Variants in RBM28 observed in about 807,000 individuals in gnomAD.
The protein encoded by RBM28 is RNA binding motif protein 28.
RBM28 carries 78 observed loss-of-function variants against 98.3 expected under a neutral mutation model. That is an observed-to-expected ratio of 0.79 (90% CI 0.66 to 0.96). The LOEUF is 0.96. Ranked by LOEUF, RBM28 falls within the 40% of genes least tolerant of loss-of-function variation. The pLI is 0.00. For synonymous variants in RBM28, 306 were observed against 330.9 expected (o/e 0.92, Z 0.82); for missense variants, 838 against 913.0 (o/e 0.92, Z 1.06).
In RBM28 at chr7:128,343,869, G is replaced by A; in HGVS notation, c.-76C>T. ...CACGCGAGCCGAAACGCTGGCTTTG[G>A]TAGGACAACCAAGCTCACACGCCGA... On this transcript the variant is annotated 5_prime_UTR_variant, in exon 1 of 19. Coordinates refer to ENST00000223073, the MANE Select transcript of RBM28 (RefSeq NM_018077.3). 9.5e-7 allele frequency: 1 copy of A among 1,049,810 alleles called. No homozygotes were observed. The allele number at this position is 1,049,810 out of a possible 1,614,324, so 65.0% of individuals were successfully genotyped here.
At chr7:128,332,646 C>G (rs968458106) in intron 9 of RBM28, among the ~76,000 whole-genome samples, 3 of 152,032 alleles carry the variant, frequency 2.0e-5, no homozygotes, top group Non-Finnish European at 4.4e-5. Context: ...GCCACCGCAC[C>G]CAAGAAAATA....
chr7:128,313,526 C>T (rs1796034606), intron 17 of RBM28, among the ~76,000 whole-genome samples: 1 of 152,172 alleles, frequency 6.6e-6, no homozygotes, highest in African/African-American at 2.4e-5. Flanking sequence ...CCCAGCTACT[C>T]AGGAGGCTGA....
intron 8 of RBM28, among the ~76,000 whole-genome samples, chr7:128,334,103 A>G (rs529072345): frequency 6.6e-6 from 1 of 152,360 alleles, no homozygotes; most frequent in East Asian, 1.9e-4. Flanking sequence ...AGAAACAAAT[A>G]ACCTTGGTTG....
Position 128,314,782 on chromosome 7 carries a change from T to C in RBM28, c.2027A>G (p.His676Arg). 1 of 1,614,212 alleles carries C rather than the reference T, an allele frequency of 6.2e-7. No homozygotes were observed. The change falls in exon 17 of 19, where the codon CAC (histidine) becomes CGC (arginine). Residue 676 changes from histidine to arginine, a missense_variant. Transcript: ENST00000223073. ...ATCTCACCTGATTTTGGGGCCTCGG[T>C]GTGAGGGGAGCGCCAGGACCTTTCT... ...KRRKVLALPS[H>R]RGPKIRLRDK...
chr7:128,311,060 TAGAG>T (rs1240239817), intron 18 of RBM28, 129 bp from the exon 19 acceptor site: 1 of 915,272 alleles, frequency 1.1e-6, no homozygotes, highest in East Asian at 2.6e-5. Context: ...GGTAGGTTTC[TAGAG>T]AGAGACTCTT....
chr7:128,329,048 TC>T (rs1228585364), intron 10 of RBM28, among the ~76,000 whole-genome samples: 1 of 151,748 alleles, frequency 6.6e-6, no homozygotes, highest in East Asian at 1.9e-4. Flanking sequence ...ACTCCTGGGC[TC>T]CCCGCAGCCT....
At chr7:128,332,850 C>T (rs2116374072) in intron 9 of RBM28, among the ~76,000 whole-genome samples, 1 of 152,228 alleles carries the variant, frequency 6.6e-6, no homozygotes, top group Admixed American at 6.5e-5. Context: ...AGCCTATTGC[C>T]ACCCCCACTC....
At chr7:128,321,189 A>T in intron 14 of RBM28, 77 bp downstream of exon 14, 1 of 1,583,696 alleles carries the variant, frequency 6.3e-7, no homozygotes, top group South Asian at 1.1e-5. Flanking sequence ...AAAATCTGGC[A>T]CCACAGCCTG....
chr7:128,343,549 A>G (rs1380087730), intron 1 of RBM28, 127 bp downstream of exon 1: 3 of 657,522 alleles, frequency 4.6e-6, no homozygotes, highest in Non-Finnish European at 7.7e-6. Flanking sequence ...ATCAGTTTGG[A>G]AAAGAAACTC....
rs577285540 is a variant in RBM28 at position 128,343,200 on chromosome 7, T to A, written c.118+476A>T. ...TAAATGAATGAACAAGTGGATAGCA[T>A]CCTGGCTAAGATGTCCAGGTCTGAG... On this transcript the variant is annotated intron_variant, in intron 1 of 18. Coordinates refer to ENST00000223073, the MANE Select transcript of RBM28 (RefSeq NM_018077.3). 4.6e-5 allele frequency among the ~76,000 whole-genome samples: 7 copies of A among 152,292 alleles called. No individual in the cohort carries two copies. In the South Asian group the frequency reaches 1.5e-3, roughly 32 times the overall value.
chr7:128,318,456 C>T (rs147740889), intron 14 of RBM28, among the ~76,000 whole-genome samples: 1 of 139,318 alleles, frequency 7.2e-6, no homozygotes, highest in African/African-American at 2.7e-5. Flanking sequence ...GCCTGGGCAA[C>T]AGAGTGAGAC....
chr7:128,312,178 G>A (rs984980641), intron 18 of RBM28, among the ~76,000 whole-genome samples: 1 of 152,168 alleles, frequency 6.6e-6, no homozygotes, highest in Non-Finnish European at 1.5e-5. Context: ...CAGCACTTTG[G>A]GAGGCCGAGG....
intron 1 of RBM28, 39 bp downstream of exon 1, chr7:128,343,637 A>C (rs749363246): frequency 8.1e-6 from 12 of 1,489,498 alleles, no homozygotes. Context: ...CCTCGATCGC[A>C]GGAAACCCCA....
chr7:128,322,165 C>T (rs1796250429), intron 13 of RBM28, among the ~76,000 whole-genome samples: 1 of 152,134 alleles, frequency 6.6e-6, no homozygotes, highest in African/African-American at 2.4e-5. Context: ...TTATCTAATC[C>T]TTCCAAAAGG....
chr7:128,310,449 T>C lies in RBM28; in HGVS notation c.*348A>G, dbSNP rs1157717452. The C allele has an allele frequency of 6.0e-6, 2 of 331,130 alleles. No homozygotes were observed. The highest frequency in any genetic ancestry group is 1.1e-5 in the Non-Finnish European group (2 of 175,450). The allele number at this position is 331,130 out of a possible 1,614,324, so 20.5% of individuals were successfully genotyped here. On this transcript the variant is annotated 3_prime_UTR_variant, in exon 19 of 19. Transcript: ENST00000223073. Reference sequence around the variant, plus strand: ...CATTTAGAGAATATGCTTAACAAAATATACATCTTAAAAATTCAGCACTCC... The same window carrying C: ...CATTTAGAGAATATGCTTAACAAAACATACATCTTAAAAATTCAGCACTCC...
chr7:128,313,029 T>C (rs1222470597), intron 18 of RBM28, 146 bp downstream of exon 18: 3 of 800,244 alleles, frequency 3.7e-6, no homozygotes, highest in African/African-American at 1.7e-5. Context: ...CTTTTAAGAT[T>C]GTATAGCTCA....
intron 5 of RBM28, 47 bp downstream of exon 5, chr7:128,338,203 A>C (rs1305413411): frequency 1.4e-6 from 2 of 1,465,540 alleles, no homozygotes; most frequent in African/African-American, 2.8e-5. Context: ...TAATTCACCA[A>C]AACACCAGAA....
chr7:128,318,144 A>T (rs1796145878), intron 14 of RBM28, 38 bp from the exon 15 acceptor site: 5 of 1,570,304 alleles, frequency 3.2e-6, no homozygotes, highest in Non-Finnish European at 4.4e-6. Flanking sequence ...TAATTACAGA[A>T]TGAGAAGACT....
chr7:128,343,903 G>A lies in RBM28; in HGVS notation c.-110C>T. On this transcript the variant is annotated 5_prime_UTR_variant, in exon 1 of 19. Coordinates refer to ENST00000223073, the MANE Select transcript of RBM28 (RefSeq NM_018077.3). ...CCAAGCTCACACGCCGAGAGATTCCGGAAGTGCTCGTTGCCCAAAAGAGAC... is the reference window on the plus strand; with the variant it reads ...CCAAGCTCACACGCCGAGAGATTCCAGAAGTGCTCGTTGCCCAAAAGAGAC... 1 of 681,890 alleles carries A rather than the reference G, an allele frequency of 1.5e-6. No homozygotes were observed. 42.2% of individuals were successfully genotyped at this position (681,890 alleles called of 1,614,324 possible).
Sources: gnomAD v4.1 joint callset for allele counts (sites outside exome capture counted in the v4.1 genomes callset) on GRCh38, gnomAD v4.1.1 for gene constraint, MANE v1.5 for transcripts, NCBI Gene and HGNC (gene_info 2026-07-23, HGNC 2026-07-21) for gene names.